The following LSM14A variants were observed in gnomAD, a reference collection of about 807,000 sequenced individuals.
The protein encoded by LSM14A is LSM14A mRNA processing body assembly factor.
LSM14A carries 14 observed loss-of-function variants against 52.4 expected under a neutral mutation model. The ratio of observed to expected loss-of-function variants is 0.27; its 90% confidence interval spans 0.18 to 0.42. The LOEUF (loss-of-function observed/expected upper bound fraction) is 0.42. Among genes scored for constraint, LSM14A ranks in the 10% least tolerant of loss-of-function variants. The pLI is 1.00. For missense variants in LSM14A, 417 were observed against 581.8 expected, an observed-to-expected ratio of 0.72 and a Z score of 2.91; for synonymous variants, 185 against 200.3, an observed-to-expected ratio of 0.92 and a Z score of 0.64.
At chr19:34,217,011 C>T (rs1296738451) in intron 6 of LSM14A, among the ~76,000 whole-genome samples, 5 of 152,122 alleles carry the variant, frequency 3.3e-5, no homozygotes, top group African/African-American at 1.2e-4. Context: ...CCTGTAATCT[C>T]AGCACTTTGG....
intron 1 of LSM14A, among the ~76,000 whole-genome samples, chr19:34,189,545 T>C (rs1220532427): frequency 6.6e-6 from 1 of 152,152 alleles, no homozygotes; most frequent in African/African-American, 2.4e-5. Flanking sequence ...GGTATTTACA[T>C]TGGAATGTGT....
chr19:34,173,383 T>C (rs2068853867), intron 1 of LSM14A, among the ~76,000 whole-genome samples: 2 of 152,158 alleles, frequency 1.3e-5, no homozygotes, highest in East Asian at 1.9e-4. Flanking sequence ...ACCACCTCAT[T>C]AGGGCGCGTG....
chr19:34,176,570 A>T (rs2069102483), intron 1 of LSM14A, among the ~76,000 whole-genome samples: 2 of 152,174 alleles, frequency 1.3e-5, no homozygotes, highest in African/African-American at 4.8e-5. Flanking sequence ...GCCCATTTTT[A>T]ACTTTATGTA....
intron 1 of LSM14A, among the ~76,000 whole-genome samples, chr19:34,176,874 T>C (rs947038972): frequency 3.3e-5 from 5 of 152,248 alleles, no homozygotes; most frequent in African/African-American, 1.2e-4. Context: ...AGTTGTTTAG[T>C]GGTTTTTACT....
At chr19:34,192,988 G>GA (rs1231069208) in intron 1 of LSM14A, among the ~76,000 whole-genome samples, 1 of 151,052 alleles carries the variant, frequency 6.6e-6, no homozygotes, top group Admixed American at 6.6e-5. Context: ...CAAAAAAAAA[G>GA]AAAAAAAATA....
At position 34,228,171 on chromosome 19, in the gene LSM14A, G is replaced by A. The variant is rs117293194; in HGVS notation, c.*783G>A. On this transcript the variant is annotated 3_prime_UTR_variant, in exon 10 of 10. Coordinates refer to ENST00000544216, the MANE Select transcript of LSM14A (RefSeq NM_015578.4). ...TGGGTCTTTTTTTCTTAGTTTTCCA[G>A]GCTTAACATTTTTGATTTTGTTTTT... 10 of 152,516 alleles carry A rather than the reference G, an allele frequency of 6.6e-5. No homozygotes were observed. In the East Asian group the frequency reaches 1.9e-3, roughly 29 times the overall value. 9.4% of individuals were successfully genotyped at this position (152,516 alleles called of 1,614,324 possible).
intron 9 of LSM14A, among the ~76,000 whole-genome samples, chr19:34,224,034 C>T (rs898622944): frequency 6.6e-6 from 1 of 152,122 alleles, no homozygotes; most frequent in South Asian, 2.1e-4. Flanking sequence ...GATGTTCTAA[C>T]TGTTACAATC....
chr19:34,217,989 A>C (rs1337470578), intron 6 of LSM14A, among the ~76,000 whole-genome samples: 1 of 133,542 alleles, frequency 7.5e-6, no homozygotes, highest in Non-Finnish European at 1.6e-5. Flanking sequence ...TCTATACCCA[A>C]AACCTTTTTT....
chr19:34,219,940 T>C lies in LSM14A; in HGVS notation c.1136+63T>C. ...GATTGAAGTGTAAAATGGTTTCATG[T>C]AAATTCACGAGGTTTAATGAATACT... On this transcript the variant is annotated intron_variant, in intron 8 of 9. Coordinates refer to ENST00000544216, the MANE Select transcript of LSM14A (RefSeq NM_015578.4). The C allele has an allele frequency of 1.1e-5, 14 of 1,237,014 alleles. No individual in the cohort carries two copies. The South Asian group carries it at 1.6e-4, about 14-fold the overall frequency. The allele number at this position is 1,237,014 out of a possible 1,614,324, so 76.6% of individuals were successfully genotyped here.
intron 4 of LSM14A, 61 bp from the exon 5 acceptor site, chr19:34,215,063 G>A (rs1050304164): frequency 2.9e-6 from 4 of 1,366,588 alleles, no homozygotes; most frequent in Non-Finnish European, 4.0e-6. Context: ...ATTTTTTTTA[G>A]GGTCTAGATT....
intron 6 of LSM14A, among the ~76,000 whole-genome samples, chr19:34,218,705 G>C (rs770270539): frequency 3.9e-5 from 6 of 151,994 alleles, no homozygotes; most frequent in Admixed American, 3.9e-4. Flanking sequence ...ATGCTGCTTT[G>C]TATTGCTTTA....
intron 2 of LSM14A, chr19:34,195,107 T>C (rs1248580203): frequency 1.2e-5 from 2 of 167,940 alleles, no homozygotes; most frequent in Non-Finnish European, 2.5e-5. Context: ...TAGGTAAGAT[T>C]ATTAGGCTTA....
At chr19:34,180,702 C>T (rs956791883) in intron 1 of LSM14A, among the ~76,000 whole-genome samples, 1 of 152,254 alleles carries the variant, frequency 6.6e-6, no homozygotes, top group Admixed American at 6.5e-5. Flanking sequence ...TGCTTCAACT[C>T]CATGAGCAAC....
intron 4 of LSM14A, 120 bp from the exon 5 acceptor site, chr19:34,215,004 T>C: frequency 1.5e-6 from 1 of 670,490 alleles, no homozygotes; most frequent in Non-Finnish European, 2.4e-6. Flanking sequence ...AGTGGATTAA[T>C]TCAAATTTGT....
chr19:34,174,832 T>G (rs2068970365), intron 1 of LSM14A, among the ~76,000 whole-genome samples: 1 of 152,234 alleles, frequency 6.6e-6, no homozygotes, highest in Admixed American at 6.5e-5. Context: ...CTTTACCTAA[T>G]CTGAATTTAA....
chr19:34,217,111 T>C (rs1487278881), intron 6 of LSM14A, among the ~76,000 whole-genome samples: 1 of 151,916 alleles, frequency 6.6e-6, no homozygotes, highest in African/African-American at 2.4e-5. Flanking sequence ...ATAGAAAAAT[T>C]AGCTGGGTGT....
chr19:34,218,502 C>T (rs2072837982), intron 6 of LSM14A, among the ~76,000 whole-genome samples: 1 of 152,210 alleles, frequency 6.6e-6, no homozygotes, highest in African/African-American at 2.4e-5. Context: ...GCAAACCTAT[C>T]TTGTTACCCT....
At chr19:34,203,615 C>T (rs1032689077) in intron 3 of LSM14A, among the ~76,000 whole-genome samples, 4 of 151,910 alleles carry the variant, frequency 2.6e-5, no homozygotes, top group African/African-American at 9.7e-5. Context: ...GCCTGGCCAA[C>T]ACAGTGAAAC....
intron 1 of LSM14A, 88 bp from the exon 2 acceptor site, chr19:34,194,390 A>G: frequency 8.6e-7 from 1 of 1,157,014 alleles, no homozygotes; most frequent in African/African-American, 1.5e-5. Flanking sequence ...ACTACTGCTT[A>G]GTACTTGAAA....
Sources: gnomAD v4.1 joint callset for allele counts (sites outside exome capture counted in the v4.1 genomes callset) on GRCh38, gnomAD v4.1.1 for gene constraint, MANE v1.5 for transcripts, NCBI Gene and HGNC (gene_info 2026-07-23, HGNC 2026-07-21) for gene names.